The following FSTL5 variants were observed in gnomAD, a reference collection of about 807,000 sequenced individuals.
The protein encoded by FSTL5 is follistatin like 5.
Under a neutral mutation model 89.1 loss-of-function variants are expected in FSTL5, and 62 were observed. The observed-to-expected ratio is 0.70, with a 90% CI of 0.57 to 0.86. The LOEUF is 0.86. FSTL5 is among the 40% of genes least tolerant of loss of function. The pLI is 0.00. For missense variants in FSTL5, 1,057 were observed against 1,001.6 expected (o/e 1.06, Z -0.75); for synonymous variants, 383 against 346.2 (o/e 1.11, Z -1.18).
At chr4:161,934,040 G>A (rs1177202165) in intron 3 of FSTL5, among the ~76,000 whole-genome samples, 3 of 151,800 alleles carry the variant, frequency 2.0e-5, no homozygotes, top group African/African-American at 4.8e-5. Flanking sequence ...ATCATTTGAT[G>A]GGAAGACCTC....
intron 12 of FSTL5, among the ~76,000 whole-genome samples, chr4:161,493,607 T>G (rs1729959318): frequency 6.6e-6 from 1 of 152,060 alleles, no homozygotes; most frequent in Non-Finnish European, 1.5e-5. Context: ...TAAAATGTTT[T>G]GATGTTTAAA....
At position 161,414,486 on chromosome 4, in the gene FSTL5, C is replaced by T. The variant is rs765543574; in HGVS notation, c.1842-28037G>A. Among the ~76,000 whole-genome samples the T allele has an allele frequency of 5.9e-5, 9 of 152,222 alleles. No homozygotes were observed. The East Asian group carries it at 9.7e-4, about 16-fold the overall frequency. The stretch of plus-strand genomic sequence containing the variant: ...ATTAGAGATCTTCTGAGTCTACCAG[C>T]GTCAGAGGGTCATGTCTCTAGAATC... On this transcript the variant is annotated intron_variant, in intron 15 of 15. Coordinates refer to ENST00000306100, the MANE Select transcript of FSTL5 (RefSeq NM_020116.5).
At chr4:161,805,510 T>TGATATAG (rs1729937721) in intron 4 of FSTL5, among the ~76,000 whole-genome samples, 1 of 151,982 alleles carries the variant, frequency 6.6e-6, no homozygotes, top group Admixed American at 6.6e-5. Flanking sequence ...GTAACTGCAT[T>TGATATAG]GATATAGAGA....
intron 7 of FSTL5, among the ~76,000 whole-genome samples, chr4:161,589,255 C>T (rs998256581): frequency 3.3e-5 from 5 of 152,094 alleles, no homozygotes; most frequent in East Asian, 3.9e-4. Flanking sequence ...CTCACTGCAA[C>T]ATCTGCTTCC....
intron 12 of FSTL5, among the ~76,000 whole-genome samples, chr4:161,499,735 A>G (rs930773034): frequency 2.0e-5 from 3 of 152,134 alleles, no homozygotes; most frequent in Non-Finnish European, 4.4e-5. Context: ...AGGCAAAGCT[A>G]TTGCAGGTCG....
chr4:161,894,322 T>C (rs1297700584), intron 4 of FSTL5, among the ~76,000 whole-genome samples: 2 of 152,110 alleles, frequency 1.3e-5, no homozygotes, highest in East Asian at 1.9e-4. Flanking sequence ...TACTATGTAA[T>C]TTTAGTTCAT....
At chr4:161,659,549 A>G (rs531771857) in intron 6 of FSTL5, among the ~76,000 whole-genome samples, 6 of 152,304 alleles carry the variant, frequency 3.9e-5, no homozygotes, top group African/African-American at 1.2e-4. Context: ...GAATGTTTCA[A>G]TGTTGAGTGA....
At chr4:161,527,567 G>C (rs1332537680) in intron 10 of FSTL5, among the ~76,000 whole-genome samples, 1 of 152,112 alleles carries the variant, frequency 6.6e-6, no homozygotes, top group Non-Finnish European at 1.5e-5. Context: ...CTGGCTATCA[G>C]AGAAATGCAA....
Position 161,415,751 on chromosome 4 carries a change from A to T in FSTL5, c.1842-29302T>A, listed in dbSNP as rs1450677641. ...ATATATATATGTATGATATATATAC[A>T]CATATATATCATACATATAGGGGAT... On this transcript the variant is annotated intron_variant, in intron 15 of 15. Coordinates refer to ENST00000306100, the MANE Select transcript of FSTL5 (RefSeq NM_020116.5). Among the ~76,000 whole-genome samples, 3 of 141,994 alleles carry T rather than the reference A, an allele frequency of 2.1e-5. No homozygotes were observed. In the East Asian group the frequency reaches 6.4e-4, roughly 30 times the overall value. The allele number at this position is 141,994 out of a possible 152,430, so 93.2% of individuals were successfully genotyped here.
intron 8 of FSTL5, among the ~76,000 whole-genome samples, chr4:161,578,615 G>A (rs923289181): frequency 6.6e-6 from 1 of 151,960 alleles, no homozygotes; most frequent in East Asian, 1.9e-4. Context: ...AGTCCAAGTA[G>A]CTGAGTTATC....
chr4:161,995,178 A>C (rs78581424), intron 3 of FSTL5, among the ~76,000 whole-genome samples: 8,359 of 152,246 alleles, frequency 0.055, 265 homozygotes, highest in Non-Finnish European at 0.077. Context: ...TGAAATGCTT[A>C]TTTTGTAGTT....
At chr4:162,084,008 T>C (rs1730205787) in intron 2 of FSTL5, among the ~76,000 whole-genome samples, 1 of 151,784 alleles carries the variant, frequency 6.6e-6, no homozygotes, top group East Asian at 1.9e-4. Context: ...TGTGTATTTG[T>C]GGGAAAAAAA....
chr4:161,741,241 C>G (rs764630806), intron 6 of FSTL5, among the ~76,000 whole-genome samples: 10 of 152,128 alleles, frequency 6.6e-5, no homozygotes, highest in Non-Finnish European at 1.3e-4. Flanking sequence ...AGAATTAAGA[C>G]AGCTAATTAA....
At chr4:161,687,927 C>A (rs556372927) in intron 6 of FSTL5, among the ~76,000 whole-genome samples, 1 of 152,174 alleles carries the variant, frequency 6.6e-6, no homozygotes, top group Admixed American at 6.5e-5. Context: ...AAAAGGCTTA[C>A]GGAAGTGAGT....
chr4:161,547,964 T>C (rs1214619144), intron 8 of FSTL5, among the ~76,000 whole-genome samples: 1 of 151,916 alleles, frequency 6.6e-6, no homozygotes, highest in Non-Finnish European at 1.5e-5. Flanking sequence ...ATATTTAACA[T>C]GTGGTGCTCA....
At chr4:161,669,123 A>AAAATAAAAT (rs1579007999) in intron 6 of FSTL5, among the ~76,000 whole-genome samples, 1 of 144,102 alleles carries the variant, frequency 6.9e-6, no homozygotes, top group East Asian at 2.1e-4. Context: ...AAAAAAAAAA[A>AAAATAAAAT]AAAATAAAAT....
intron 4 of FSTL5, among the ~76,000 whole-genome samples, chr4:161,826,908 C>T (rs190459328): frequency 2.5e-4 from 38 of 152,222 alleles, no homozygotes; most frequent in African/African-American, 8.9e-4. Flanking sequence ...ATGTGAGGTA[C>T]TATTCTATTC....
chr4:161,822,509 C>T (rs969763300), intron 4 of FSTL5, among the ~76,000 whole-genome samples: 7 of 152,172 alleles, frequency 4.6e-5, no homozygotes, highest in African/African-American at 7.2e-5. Flanking sequence ...TGCAGCTAGA[C>T]CAAGTATACT....
chr4:162,079,269 G>T (rs1000011030), intron 2 of FSTL5, among the ~76,000 whole-genome samples: 1 of 151,722 alleles, frequency 6.6e-6, no homozygotes, highest in South Asian at 2.1e-4. Flanking sequence ...CTCTCAAGAC[G>T]CATCCCATAA....
Sources: allele counts gnomAD v4.1 joint callset (sites outside exome capture counted in the v4.1 genomes callset), GRCh38; gene constraint gnomAD v4.1.1; transcripts MANE v1.5; gene names NCBI Gene and HGNC (gene_info 2026-07-23, HGNC 2026-07-21).